Variants in SAP130 observed in about 807,000 individuals in gnomAD.
The protein encoded by SAP130 is histone deacetylase complex subunit SAP130.
Under a neutral mutation model 103.2 loss-of-function variants are expected in SAP130, and 16 were observed. The ratio of observed to expected loss-of-function variants is 0.16; its 90% CI spans 0.10 to 0.24. The LOEUF (loss-of-function observed/expected upper bound fraction) is 0.24, where lower values mean the gene tolerates loss of function less well. Ranked by LOEUF, SAP130 falls within the 10% of genes least tolerant of loss-of-function variation. The pLI, the probability that SAP130 is intolerant of heterozygous loss-of-function variation, is 1.00. For synonymous variants in SAP130, 477 were observed against 497.0 expected (o/e 0.96, Z 0.53); for missense variants, 990 against 1,359.7 (o/e 0.73, Z 4.28).
At chr2:127,981,380 C>T (rs527560124) in intron 14 of SAP130, among the ~76,000 whole-genome samples, 1 of 89,496 alleles carries the variant, frequency 1.1e-5, no homozygotes. Context: ...CTCACCCCGA[C>T]CCAGTCCTCC....
At position 127,986,233 on chromosome 2, in the gene SAP130, T is replaced by C. The variant is rs1559070036; in HGVS notation, c.1958+552A>G. On this transcript the variant is annotated intron_variant, in intron 14 of 20. Transcript: ENST00000643581. The surrounding 1 kb of genome is among the most constrained non-coding windows in gnomAD (Gnocchi z 4.7). ...AACTAAAAGAGCACTCTGTAACACA[T>C]GCCCACTGGGGTTTCAGCTGTAAAC... Among the ~76,000 whole-genome samples the C allele has an allele frequency of 6.6e-6, 1 of 152,220 alleles. No homozygotes were observed. Among genetic ancestry groups the C allele is most frequent in the Non-Finnish European group, 1.5e-5 (1 of 68,042 alleles).
chr2:127,950,678 A>C (rs1248152640), intron 16 of SAP130, among the ~76,000 whole-genome samples: 1 of 152,216 alleles, frequency 6.6e-6, no homozygotes, highest in African/African-American at 2.4e-5. Flanking sequence ...CCTAGCCTCC[A>C]TTACAGGTGT....
intron 7 of SAP130, among the ~76,000 whole-genome samples, chr2:128,006,828 T>C (rs1365296111): frequency 1.3e-5 from 2 of 152,246 alleles, no homozygotes; most frequent in East Asian, 1.9e-4. Context: ...TTGTGAGAGA[T>C]AGTGCTTAAA....
chr2:128,004,473 G>A (rs183037322), intron 7 of SAP130, among the ~76,000 whole-genome samples: 1 of 145,014 alleles, frequency 6.9e-6, no homozygotes, highest in Admixed American at 7.3e-5. Flanking sequence ...CTCCCAAAGT[G>A]TACGATTACA....
At chr2:128,010,474 T>A in intron 6 of SAP130, 81 bp from the exon 7 acceptor site, 1 of 1,334,394 alleles carries the variant, frequency 7.5e-7, no homozygotes, top group South Asian at 1.4e-5. Context: ...ATTTGAAACT[T>A]GAGCCTACAG....
At chr2:127,965,054 T>C (rs928236751) in intron 15 of SAP130, among the ~76,000 whole-genome samples, 1 of 149,058 alleles carries the variant, frequency 6.7e-6, no homozygotes. Flanking sequence ...CCCAGCCCTT[T>C]GGGAGGCCAA....
intron 15 of SAP130, among the ~76,000 whole-genome samples, chr2:127,967,228 C>T (rs1415492568): frequency 2.6e-5 from 4 of 152,218 alleles, no homozygotes; most frequent in Non-Finnish European, 1.5e-5. Flanking sequence ...TACATTTTAA[C>T]TTCTCCCTAC....
chr2:127,958,997 T>C (rs1680045124), intron 15 of SAP130, among the ~76,000 whole-genome samples: 1 of 152,176 alleles, frequency 6.6e-6, no homozygotes, highest in African/African-American at 2.4e-5. Context: ...CTGCCTGCCA[T>C]TCTATCATTT....
chr2:128,023,140 A>G lies in SAP130; in HGVS notation c.112+3041T>C, dbSNP rs138955948. Among the ~76,000 whole-genome samples the G allele has an allele frequency of 6.2e-3, 935 of 152,002 alleles. 10 individuals carry two copies. The highest frequency in any genetic ancestry group is 0.02 in the African/African-American group (846 of 41,456). ...CTCCCGATTAGCCGGGATTACCGGC[A>G]CCCACCACCACGCCCAGCTAATTTT... On this transcript the variant is annotated intron_variant, in intron 2 of 20. Transcript: ENST00000643581.
At chr2:128,019,317 G>A (rs1333985562) in intron 2 of SAP130, among the ~76,000 whole-genome samples, 1 of 151,956 alleles carries the variant, frequency 6.6e-6, no homozygotes, top group African/African-American at 2.4e-5. Context: ...CTCCCAGGCT[G>A]TAACGAAGTC....
chr2:127,942,324 C>A lies in SAP130; in HGVS notation c.3015+100G>T. Reference sequence around the variant, plus strand: ...GCAGGCTGAAGCACGTATGTTTTTACTGAAGATATGAGGGAGACGGGGGGA... The same window carrying A: ...GCAGGCTGAAGCACGTATGTTTTTAATGAAGATATGAGGGAGACGGGGGGA... On this transcript the variant is annotated intron_variant, in intron 20 of 20. Transcript: ENST00000643581. The surrounding 1 kb of genome is among the most constrained non-coding windows in gnomAD (Gnocchi z 4.8). The A allele has an allele frequency of 1.8e-6, 2 of 1,086,406 alleles. No homozygotes were observed. Among genetic ancestry groups the A allele is most frequent in the Non-Finnish European group, 2.8e-6 (2 of 721,198 alleles). The allele number at this position is 1,086,406 out of a possible 1,614,324, so 67.3% of individuals were successfully genotyped here. A position where few individuals can be genotyped will look rare whatever the true frequency, so the allele number is the denominator to read the frequency against.
chr2:127,973,360 G>A lies in SAP130; in HGVS notation c.2063+4625C>T, dbSNP rs111930886. On this transcript the variant is annotated intron_variant, in intron 15 of 20. Coordinates refer to ENST00000643581, the MANE Select transcript of SAP130 (RefSeq NM_001330301.2). ...AGATTCTCCTGCTTCAGCCTCCCAA[G>A]TAGCTGGGATTACAGGCATGCGCCA... 7.6e-3 allele frequency among the ~76,000 whole-genome samples: 1,155 copies of A among 152,306 alleles called. 12 individuals are homozygous for A. The highest frequency in any genetic ancestry group is 0.017 in the Middle Eastern group (5 of 294).
chr2:127,981,543 T>C (rs61078344), intron 14 of SAP130, among the ~76,000 whole-genome samples: 75 of 4,102 alleles, frequency 0.018, no homozygotes, highest in Admixed American at 0.042. Context: ...CCACCCCGAC[T>C]CAGTCCTCCT....
intron 11 of SAP130, among the ~76,000 whole-genome samples, chr2:127,995,122 A>G (rs1329312531): frequency 6.6e-6 from 1 of 152,222 alleles, no homozygotes; most frequent in Non-Finnish European, 1.5e-5. Context: ...AACTAGAGAT[A>G]TCAGCATGAA....
chr2:128,027,452 A>G (rs1467394191), intron 1 of SAP130: 40 of 1,094,162 alleles, frequency 3.7e-5, no homozygotes, highest in Non-Finnish European at 4.2e-5. Context: ...TGGCCGGGGC[A>G]GCCCAAACCC....
In SAP130 at chr2:128,013,124, G is replaced by T; in HGVS notation, c.650C>A (p.Ser217Tyr). Residue 217 changes from serine (S) to tyrosine (Y), a missense_variant, in exon 6 of 21, where the codon TCT becomes TAT. Ser to Tyr is a moderately radical substitution (Grantham distance 144). This residue lies in a region of SAP130 where 336 missense variants were observed against 520.1 expected (regional missense o/e 0.65). Transcript: ENST00000643581. ...CGGCCTCAGGACTGTGGTTACTTTA[G>T]AACTGGACATCACAGCAGCAGCAGC... Reference protein sequence around the residue: ...GAAAAAVMSSSKVTTVLRPTS... With the variant: ...GAAAAAVMSSYKVTTVLRPTS... The T allele has an allele frequency of 6.2e-7, 1 of 1,611,052 alleles. No individual in the cohort carries two copies. The highest frequency in any genetic ancestry group is 1.1e-5 in the South Asian group (1 of 90,644).
In SAP130 at chr2:127,948,337, T is replaced by TC. The variant is rs1474708466; in HGVS notation, c.2797+1531_2797+1532insG. 1.7e-4 allele frequency among the ~76,000 whole-genome samples: 24 copies of TC among 144,730 alleles called. No individual in the cohort carries two copies. In the East Asian group the frequency reaches 3.9e-3, roughly 24 times the overall value. 94.9% of individuals were successfully genotyped at this position (144,730 alleles called of 152,430 possible). ...CTTTTCTTTCCTGTGAGTTTTTTTT[T>TC]TTTTTTTTTTTTTTGAGACAGAGTC... is the stretch of plus-strand genomic sequence containing the variant. On this transcript the variant is annotated intron_variant, in intron 18 of 20. Transcript: ENST00000643581.
chr2:128,010,909 T>TAAA (rs11414397), intron 6 of SAP130, among the ~76,000 whole-genome samples: 2 of 107,152 alleles, frequency 1.9e-5, no homozygotes, highest in South Asian at 5.6e-4. Context: ...TCAGAATTAT[T>TAAA]AAAAAAAAAA....
intron 14 of SAP130, among the ~76,000 whole-genome samples, chr2:127,984,381 T>G (rs1438203283): frequency 6.6e-6 from 1 of 152,240 alleles, no homozygotes; most frequent in Non-Finnish European, 1.5e-5. Flanking sequence ...CATGTATTTA[T>G]TGTGGTTTCT....
Sources: gnomAD v4.1 joint callset for allele counts (sites outside exome capture counted in the v4.1 genomes callset) on GRCh38, gnomAD v4.1.1 for gene constraint, gnomAD v4.1.1 regional missense constraint, Gnocchi (gnomAD v3.1) non-coding constraint, MANE v1.5 for transcripts, NCBI Gene and HGNC (gene_info 2026-07-23, HGNC 2026-07-21) for gene names.